Variants in OR5V1 observed in about 807,000 individuals in gnomAD.
OR5V1 encodes olfactory receptor 5V1.
For synonymous variants in OR5V1, 134 were observed against 143.2 expected (o/e 0.94, Z 0.46); for missense variants, 365 against 371.5 (o/e 0.98, Z 0.14).
chr6:29,361,586 C>T (rs188586462), intron 1 of OR5V1, among the ~76,000 whole-genome samples: 10 of 152,086 alleles, frequency 6.6e-5, no homozygotes, highest in Middle Eastern at 3.4e-3. Context: ...TGGATCTCTC[C>T]GCAGAAAACC....
In OR5V1 at chr6:29,359,440, C is replaced by T. The variant is rs373319304; in HGVS notation, c.-82-3163G>A. 3.3e-5 allele frequency among the ~76,000 whole-genome samples: 5 copies of T among 152,192 alleles called. 1 individual carries two copies. The East Asian group carries it at 7.7e-4, about 24-fold the overall frequency. On this transcript the variant is annotated intron_variant, in intron 1 of 1. Coordinates refer to ENST00000641768, the MANE Select transcript of OR5V1 (RefSeq NM_030876.6). The stretch of plus-strand genomic sequence containing the variant: ...CGAGTGCACTGTGCTGATCTAGATT[C>T]CTGGATTGAACAAGCAGATGGCTGG...
intron 1 of OR5V1, among the ~76,000 whole-genome samples, chr6:29,362,849 A>C (rs985225630): frequency 2.0e-5 from 3 of 152,210 alleles, no homozygotes; most frequent in African/African-American, 7.2e-5. Context: ...GAAAGCAGGA[A>C]AGATTTAAAA....
intron 1 of OR5V1, among the ~76,000 whole-genome samples, chr6:29,363,612 G>A (rs1173120230): frequency 2.0e-5 from 3 of 152,038 alleles, no homozygotes; most frequent in South Asian, 2.1e-4. Context: ...CAATCAAGTC[G>A]GCTTCATACC....
At chr6:29,360,483 TGAGA>T (rs1013910736) in intron 1 of OR5V1, among the ~76,000 whole-genome samples, 5 of 152,326 alleles carry the variant, frequency 3.3e-5, no homozygotes, top group Admixed American at 2.6e-4. Context: ...GCCTACTGAC[TGAGA>T]GAGACTCCCC....
intron 1 of OR5V1, among the ~76,000 whole-genome samples, chr6:29,366,175 G>C (rs1345382921): frequency 6.6e-6 from 1 of 152,094 alleles, no homozygotes; most frequent in Non-Finnish European, 1.5e-5. Flanking sequence ...CAAGGGGAGG[G>C]AGAGCATTAG....
rs1778138964 is a variant in OR5V1, at chr6:29,354,134, C to G, written c.*1096G>C. 6.6e-6 allele frequency: 1 copy of G among 152,068 alleles called. No homozygotes were observed. The allele number at this position is 152,068 out of a possible 1,614,324, so 9.4% of individuals were successfully genotyped here. A position where few individuals can be genotyped will look rare whatever the true frequency, so the allele number is the denominator to read the frequency against. The stretch of plus-strand genomic sequence containing the variant: ...CCTGAGAGAATAGTGAAGAAAGACA[C>G]TAGACAACTTGTATCTACCTGATCT... On this transcript the variant is annotated 3_prime_UTR_variant, in exon 2 of 2. Transcript: ENST00000641768.
intron 1 of OR5V1, among the ~76,000 whole-genome samples, chr6:29,357,119 A>G (rs1240671932): frequency 2.6e-5 from 4 of 152,222 alleles, no homozygotes; most frequent in Non-Finnish European, 5.9e-5. Context: ...ACCTATTGCT[A>G]TAGATCATCA....
intron 1 of OR5V1, among the ~76,000 whole-genome samples, chr6:29,368,050 A>C (rs1038182886): frequency 2.0e-5 from 3 of 152,176 alleles, no homozygotes; most frequent in Non-Finnish European, 2.9e-5. Context: ...TTTCCTTCTA[A>C]CAGACCCAGT....
intron 1 of OR5V1, among the ~76,000 whole-genome samples, chr6:29,356,786 T>G (rs1186282388): frequency 6.6e-6 from 1 of 152,200 alleles, no homozygotes; most frequent in Non-Finnish European, 1.5e-5. Context: ...ATTTGGTATA[T>G]GTTCTTCTGA....
rs1227134913 is a variant in OR5V1, at chr6:29,356,153, A to G, written c.43T>C (p.Leu15=). 1.2e-6 allele frequency: 2 copies of G among 1,605,406 alleles called. No homozygotes were observed. The highest frequency in any genetic ancestry group is 1.7e-5 in the Admixed American group (1 of 58,560). Reference sequence around the variant, plus strand: ...AATTCATTTAGGTTGGAGAATCCCAAGATGATGAATTCAGTTATAGCTGTT... The same window carrying G: ...AATTCATTTAGGTTGGAGAATCCCAGGATGATGAATTCAGTTATAGCTGTT... The part of the protein sequence containing the change: ...NQTAITEFII[L]GFSNLNELQF... Residue 15 remains leucine, a synonymous_variant, in exon 2 of 2, where the codon TTG becomes CTG. Transcript: ENST00000641768.
At chr6:29,365,725 C>G (rs1778819914) in intron 1 of OR5V1, among the ~76,000 whole-genome samples, 1 of 152,118 alleles carries the variant, frequency 6.6e-6, no homozygotes, top group South Asian at 2.1e-4. Context: ...ATTAGTTCAA[C>G]CATTGTGGAA....
At chr6:29,368,267 A>G (rs528677181) in intron 1 of OR5V1, among the ~76,000 whole-genome samples, 2 of 152,342 alleles carry the variant, frequency 1.3e-5, no homozygotes, top group South Asian at 4.1e-4. Flanking sequence ...TTCTTGTGAG[A>G]AAGTCACACG....
At chr6:29,362,406 G>T (rs1171054194) in intron 1 of OR5V1, among the ~76,000 whole-genome samples, 1 of 152,116 alleles carries the variant, frequency 6.6e-6, no homozygotes, top group African/African-American at 2.4e-5. Flanking sequence ...AGAATATTCA[G>T]GACTTGAATT....
At chr6:29,359,444 G>T (rs1186573810) in intron 1 of OR5V1, among the ~76,000 whole-genome samples, 2 of 152,148 alleles carry the variant, frequency 1.3e-5, no homozygotes, top group Non-Finnish European at 2.9e-5. Context: ...TAGATTCCTG[G>T]ATTGAACAAG....
chr6:29,363,785 A>G (rs901596314), intron 1 of OR5V1, among the ~76,000 whole-genome samples: 3 of 152,168 alleles, frequency 2.0e-5, no homozygotes, highest in Non-Finnish European at 2.9e-5. Flanking sequence ...CTAAATATTG[A>G]TGGAACATAT....
intron 1 of OR5V1, among the ~76,000 whole-genome samples, chr6:29,357,962 C>T (rs970206964): frequency 6.6e-6 from 1 of 152,094 alleles, no homozygotes; most frequent in Non-Finnish European, 1.5e-5. Context: ...TATACTTTAT[C>T]GATTGCCCTC....
intron 1 of OR5V1, among the ~76,000 whole-genome samples, chr6:29,359,687 G>A (rs1170267228): frequency 6.6e-6 from 1 of 152,144 alleles, no homozygotes; most frequent in Non-Finnish European, 1.5e-5. Context: ...CGCCTCACTC[G>A]GGAAGTGCAA....
intron 1 of OR5V1, 84 bp downstream of exon 1, chr6:29,368,548 C>T (rs1377506188): frequency 1.3e-5 from 2 of 152,104 alleles, no homozygotes; most frequent in Non-Finnish European, 2.9e-5. Context: ...CAGTTAGTCT[C>T]ATATCCAAAA....
chr6:29,364,868 A>T (rs1213011381), intron 1 of OR5V1, among the ~76,000 whole-genome samples: 1 of 149,548 alleles, frequency 6.7e-6, no homozygotes, highest in Non-Finnish European at 1.5e-5. Context: ...AAACTAGACT[A>T]CAAGGCTACA....
Sources: gnomAD v4.1 joint callset for allele counts (sites outside exome capture counted in the v4.1 genomes callset) on GRCh38, gnomAD v4.1.1 for gene constraint, MANE v1.5 for transcripts, NCBI Gene and HGNC (gene_info 2026-07-23, HGNC 2026-07-21) for gene names.